TMCC1: variants seen among roughly 807,000 people sequenced by gnomAD.
The protein encoded by TMCC1 is transmembrane and coiled-coil domains protein 1.
TMCC1 carries 15 observed loss-of-function variants against 52.4 expected under a neutral mutation model. The observed-to-expected ratio is 0.29, with a 90% confidence interval of 0.19 to 0.44. The LOEUF is 0.44. Among genes scored for constraint, TMCC1 ranks in the 20% least tolerant of loss-of-function variants. The pLI is 1.00. For missense variants in TMCC1, 503 were observed against 806.0 expected, an observed-to-expected ratio of 0.62 and a Z score of 4.55; for synonymous variants, 279 against 301.9, an observed-to-expected ratio of 0.92 and a Z score of 0.79.
chr3:129,884,877 T>C (rs2061620885), intron 1 of TMCC1, among the ~76,000 whole-genome samples: 1 of 150,130 alleles, frequency 6.7e-6, no homozygotes, highest in South Asian at 2.1e-4. Context: ...TAGTGGCTCA[T>C]ACCTGTAATC....
rs200991928 is a variant in TMCC1 at position 129,801,024 on chromosome 3, C to T, written c.576+26779G>A. ...CTGCAAGCTCCGCCTCCCAGGTTCA[C>T]GCCATTCTCCTGCCTCAGCCTCCGG... On this transcript the variant is annotated intron_variant, in intron 4 of 6. Transcript: ENST00000393238. 6.7e-5 allele frequency among the ~76,000 whole-genome samples: 10 copies of T among 148,740 alleles called. No homozygotes were observed. The East Asian group carries it at 1.0e-3, about 15-fold the overall frequency.
At chr3:129,749,427 G>T (rs1400632972) in intron 4 of TMCC1, among the ~76,000 whole-genome samples, 3 of 151,938 alleles carry the variant, frequency 2.0e-5, no homozygotes, top group Non-Finnish European at 4.4e-5. Flanking sequence ...AAACAAAATG[G>T]AAAGAAAAGA....
At position 129,648,588 on chromosome 3, in the gene TMCC1, T is replaced by C. The variant is rs574249476; in HGVS notation, c.*2893A>G. ...AATGCGCATTCTACAACCTGAACAA[T>C]CACCCAGGCCAACACAGCCAGCTTC... On this transcript the variant is annotated 3_prime_UTR_variant, in exon 7 of 7. Coordinates refer to ENST00000393238, the MANE Select transcript of TMCC1 (RefSeq NM_001017395.5). The C allele has an allele frequency of 1.3e-5, 2 of 152,108 alleles. No individual in the cohort carries two copies. The highest frequency in any genetic ancestry group is 3.9e-4 in the East Asian group (2 of 5,174). 9.4% of individuals were successfully genotyped at this position (152,108 alleles called of 1,614,324 possible).
At chr3:129,817,021 C>T (rs1443185837) in intron 4 of TMCC1, among the ~76,000 whole-genome samples, 5 of 151,802 alleles carry the variant, frequency 3.3e-5, no homozygotes, top group African/African-American at 1.2e-4. Context: ...GAGCGAGAGC[C>T]TGTCTAAAAA....
At chr3:129,757,318 C>T (rs1420017838) in intron 4 of TMCC1, among the ~76,000 whole-genome samples, 1 of 152,120 alleles carries the variant, frequency 6.6e-6, no homozygotes, top group African/African-American at 2.4e-5. Context: ...AGCTCCCTGC[C>T]ACCTCCAGTC....
At chr3:129,776,566 G>A (rs2055054312) in intron 4 of TMCC1, among the ~76,000 whole-genome samples, 4 of 151,998 alleles carry the variant, frequency 2.6e-5, no homozygotes, top group Admixed American at 2.6e-4. Flanking sequence ...AAGGGCCAGA[G>A]AAAAAAAGGA....
At chr3:129,761,501 T>C (rs2053594363) in intron 4 of TMCC1, among the ~76,000 whole-genome samples, 1 of 152,110 alleles carries the variant, frequency 6.6e-6, no homozygotes, top group Non-Finnish European at 1.5e-5. Flanking sequence ...CTCAACTTTC[T>C]GGGCTCGATT....
chr3:129,743,267 ATCT>A (rs2051622035), intron 4 of TMCC1, among the ~76,000 whole-genome samples: 1 of 152,150 alleles, frequency 6.6e-6, no homozygotes, highest in Admixed American at 6.5e-5. Flanking sequence ...CAGTTTCCTC[ATCT>A]TTGAAGCTTC....
At chr3:129,780,494 C>T (rs748868550) in intron 4 of TMCC1, among the ~76,000 whole-genome samples, 5 of 152,074 alleles carry the variant, frequency 3.3e-5, no homozygotes, top group African/African-American at 4.8e-5. Context: ...AAGTTAATAT[C>T]ACCATTACCT....
At chr3:129,869,674 G>A (rs1452495335) in intron 2 of TMCC1, among the ~76,000 whole-genome samples, 2 of 152,066 alleles carry the variant, frequency 1.3e-5, no homozygotes, top group Non-Finnish European at 2.9e-5. Flanking sequence ...GTAATTCTTG[G>A]GATATATTTG....
intron 4 of TMCC1, among the ~76,000 whole-genome samples, chr3:129,802,622 A>G (rs1576909204): frequency 6.6e-6 from 1 of 152,142 alleles, no homozygotes; most frequent in Non-Finnish European, 1.5e-5. Context: ...AAACAAAACT[A>G]TAGAGACTAG....
At chr3:129,705,760 T>C (rs935501754) in intron 4 of TMCC1, among the ~76,000 whole-genome samples, 2 of 151,590 alleles carry the variant, frequency 1.3e-5, no homozygotes, top group East Asian at 3.9e-4. Flanking sequence ...GCCCACCTAA[T>C]TTTTTGTATT....
intron 4 of TMCC1, among the ~76,000 whole-genome samples, chr3:129,702,188 C>G (rs574502655): frequency 6.6e-6 from 1 of 151,190 alleles, no homozygotes; most frequent in South Asian, 2.1e-4. Flanking sequence ...TATAACTTCT[C>G]CAGGTGGTAT....
intron 4 of TMCC1, among the ~76,000 whole-genome samples, chr3:129,787,857 T>A (rs1271564757): frequency 6.6e-6 from 1 of 152,212 alleles, no homozygotes; most frequent in East Asian, 1.9e-4. Flanking sequence ...ATTTTTCAGC[T>A]ACTAAACTTT....
At chr3:129,832,662 A>T (rs903917741) in intron 3 of TMCC1, 112 bp downstream of exon 3, 9 of 152,170 alleles carry the variant, frequency 5.9e-5, no homozygotes, top group Non-Finnish European at 1.0e-4. Flanking sequence ...TTTTTCCCTT[A>T]AGTTTTTCTT....
chr3:129,681,339 C>T (rs1047753577), intron 4 of TMCC1, among the ~76,000 whole-genome samples: 5 of 151,744 alleles, frequency 3.3e-5, no homozygotes, highest in African/African-American at 1.2e-4. Context: ...ATAGTTTGGT[C>T]AATATTTAGG....
intron 2 of TMCC1, among the ~76,000 whole-genome samples, chr3:129,872,571 C>T (rs955588179): frequency 6.6e-6 from 1 of 152,192 alleles, no homozygotes; most frequent in South Asian, 2.1e-4. Flanking sequence ...ATGACAGCAT[C>T]TTCCCAGTAA....
chr3:129,836,612 T>C (rs765176005), intron 2 of TMCC1, among the ~76,000 whole-genome samples: 5 of 152,242 alleles, frequency 3.3e-5, no homozygotes, highest in African/African-American at 1.2e-4. Flanking sequence ...ACAACATTTA[T>C]GGAGCAACAG....
At chr3:129,695,301 C>T (rs1250557784) in intron 4 of TMCC1, among the ~76,000 whole-genome samples, 1 of 151,966 alleles carries the variant, frequency 6.6e-6, no homozygotes. Flanking sequence ...AGATGTGAAT[C>T]TTTGTCTTTG....
Sources: allele counts gnomAD v4.1 joint callset (sites outside exome capture counted in the v4.1 genomes callset), GRCh38; gene constraint gnomAD v4.1.1; transcripts MANE v1.5; gene names NCBI Gene and HGNC (gene_info 2026-07-23, HGNC 2026-07-21).